CNNM1: variants seen among roughly 807,000 people sequenced by gnomAD.
CNNM1 encodes metal transporter CNNM1.
Under a neutral mutation model 78.8 loss-of-function variants are expected in CNNM1, and 44 were observed. That is an observed-to-expected ratio of 0.56 (90% CI 0.44 to 0.72). The LOEUF is 0.72. Ranked by LOEUF, CNNM1 falls within the 30% of genes least tolerant of loss-of-function variation. The pLI is 0.00. For missense variants in CNNM1, 1,101 were observed against 1,292.2 expected, an observed-to-expected ratio of 0.85 and a Z score of 2.27; for synonymous variants, 584 against 581.5, an observed-to-expected ratio of 1.00 and a Z score of -0.06.
intron 6 of CNNM1, among the ~76,000 whole-genome samples, chr10:99,365,726 A>C (rs1189920654): frequency 1.3e-5 from 2 of 152,172 alleles, no homozygotes; most frequent in Non-Finnish European, 2.9e-5. Context: ...CACAGTTCTG[A>C]ATTTTGCATT....
chr10:99,368,769 T>C, intron 6 of CNNM1: 1 of 912,462 alleles, frequency 1.1e-6, no homozygotes, highest in Non-Finnish European at 1.6e-6. Context: ...GCATGAGAAC[T>C]AATCACTCCA....
At chr10:99,353,174 GTCT>G (rs1438555904) in intron 1 of CNNM1, among the ~76,000 whole-genome samples, 1 of 152,036 alleles carries the variant, frequency 6.6e-6, no homozygotes, top group Non-Finnish European at 1.5e-5. Context: ...TTTTGGAGTT[GTCT>G]TCTTAAGAGT....
At position 99,330,438 on chromosome 10, in the gene CNNM1, G is replaced by C. The variant is rs1165843047; in HGVS notation, c.1051G>C (p.Gly351Arg). 1 of 1,591,632 alleles carries C rather than the reference G, an allele frequency of 6.3e-7. No individual in the cohort carries two copies. The highest frequency in any genetic ancestry group is 8.5e-7 in the Non-Finnish European group (1 of 1,170,048). The change falls in exon 1 of 11, where the codon GGG becomes CGG. Residue 351 changes from glycine (G) to arginine (R), a missense_variant. Gly to Arg is a moderately radical substitution (Grantham distance 125). Around this residue, in one of 3 missense-constraint regions of CNNM1, gnomAD observed 277 missense variants for 423.2 expected, o/e 0.65. Coordinates refer to ENST00000356713, the MANE Select transcript of CNNM1 (RefSeq NM_020348.3). ...ICPYSVCSRH[G>R]LAIASHSVCL... is the part of the protein sequence containing the mutation. ...CCCCTACTCAGTGTGTTCGCGGCAC[G>C]GGCTGGCCATCGCCTCGCACAGCGT...
At position 99,387,874 on chromosome 10, in the gene CNNM1, C is replaced by T. The variant is rs753164946; in HGVS notation, c.2395C>T (p.Pro799Ser). The change falls in exon 8 of 11, where the codon CCT becomes TCT. Residue 799 changes from proline (P) to serine (S), a missense_variant. By Grantham distance (74) the Pro-to-Ser change is moderately conservative (BLOSUM62 -1). Coordinates refer to ENST00000356713, the MANE Select transcript of CNNM1 (RefSeq NM_020348.3). ...CACTGCCTGCCACATGGACAGCTCA[C>T]CTCAGTCCCCTGACATGGAGGCCTT... The part of the protein sequence containing the change: ...ALTACHMDSS[P>S]QSPDMEAFTD... The T allele has an allele frequency of 1.2e-6, 2 of 1,613,574 alleles. No homozygotes were observed. Among genetic ancestry groups the T allele is most frequent in the Non-Finnish European group, 1.7e-6 (2 of 1,179,698 alleles).
rs769383625 is a variant in CNNM1 at position 99,388,284 on chromosome 10, C to T, written c.2657C>T (p.Ala886Val). ...STQQLTLSPA[A>V]VPTRAASDSE... The stretch of plus-strand genomic sequence containing the variant: ...CAGCAGCTCACGCTGTCTCCTGCAG[C>T]CGTTCCCACGAGAGCAGGTCAGGGA... Residue 886 changes from alanine (A) to valine (V), a missense_variant, in exon 9 of 11, where the codon GCC becomes GTC. Ala to Val is a moderately conservative substitution (Grantham distance 64, BLOSUM62 0). This residue lies in a region of CNNM1 where 348 missense variants were observed against 384.5 expected (regional missense o/e 0.90). Coordinates refer to ENST00000356713, the MANE Select transcript of CNNM1 (RefSeq NM_020348.3). 1 of 1,613,662 alleles carries T rather than the reference C, an allele frequency of 6.2e-7. No individual in the cohort carries two copies. Among genetic ancestry groups the T allele is most frequent in the Admixed American group, 1.7e-5 (1 of 60,004 alleles).
At chr10:99,376,741 T>G (rs1249270120) in intron 6 of CNNM1, among the ~76,000 whole-genome samples, 1 of 152,076 alleles carries the variant, frequency 6.6e-6, no homozygotes, top group Non-Finnish European at 1.5e-5. Flanking sequence ...CCCCCCTGTC[T>G]GGGGAAAATA....
chr10:99,359,956 C>A (rs943775792), intron 2 of CNNM1, among the ~76,000 whole-genome samples: 1 of 149,180 alleles, frequency 6.7e-6, no homozygotes, highest in Non-Finnish European at 1.5e-5. Context: ...AAGCGGGGGC[C>A]GGGGGGGAAG....
At chr10:99,340,876 T>TCCTTCCTTCCTTCCTGCCTGCCTG (rs71009744) in intron 1 of CNNM1, among the ~76,000 whole-genome samples, 16 of 138,156 alleles carry the variant, frequency 1.2e-4, no homozygotes, top group African/African-American at 2.1e-4. Flanking sequence ...CTTCCTTCCT[T>TCCTTCCTTCCTTCCTGCCTGCCTG]CCTGCCTGCC....
intron 6 of CNNM1, chr10:99,368,430 T>C (rs1589910451): frequency 2.9e-6 from 1 of 345,148 alleles, no homozygotes; most frequent in East Asian, 7.5e-5. Flanking sequence ...CTTGTCTTTC[T>C]GGAGTGTGAC....
chr10:99,352,129 C>A (rs776198429), intron 1 of CNNM1, among the ~76,000 whole-genome samples: 1 of 152,162 alleles, frequency 6.6e-6, no homozygotes, highest in African/African-American at 2.4e-5. Context: ...TAGCCATGCC[C>A]CACACTCTCC....
chr10:99,347,779 C>G (rs1034277869), intron 1 of CNNM1, among the ~76,000 whole-genome samples: 5 of 152,056 alleles, frequency 3.3e-5, no homozygotes, highest in African/African-American at 1.2e-4. Context: ...ATTCCTTAAG[C>G]ACATCAGTTA....
Position 99,330,303 on chromosome 10 carries a change from C to T in CNNM1, c.916C>T (p.Pro306Ser), listed in dbSNP as rs759656876. 6.3e-7 allele frequency: 1 copy of T among 1,587,638 alleles called. No homozygotes were observed. The highest frequency in any genetic ancestry group is 8.6e-7 in the Non-Finnish European group (1 of 1,167,616). ...ALAGWLYTSL[P>S]PGFGGTGEDY... is the part of the protein sequence containing the mutation. The stretch of plus-strand genomic sequence containing the variant: ...GGCTGGCTGGCTGTACACCTCGCTG[C>T]CGCCGGGCTTCGGGGGCACCGGGGA... The change falls in exon 1 of 11, where the codon CCG becomes TCG. Residue 306 changes from proline (P) to serine (S), a missense_variant. By Grantham distance (74) the Pro-to-Ser change is moderately conservative (BLOSUM62 -1). Around this residue, in one of 3 missense-constraint regions of CNNM1, gnomAD observed 476 missense variants for 484.5 expected, o/e 0.98. Transcript: ENST00000356713.
chr10:99,383,930 C>T (rs2032232077), intron 7 of CNNM1, among the ~76,000 whole-genome samples: 1 of 152,154 alleles, frequency 6.6e-6, no homozygotes. Flanking sequence ...AACTGATGTG[C>T]TATAAGTGCA....
intron 2 of CNNM1, among the ~76,000 whole-genome samples, chr10:99,359,415 C>G (rs1008099574): frequency 6.6e-6 from 1 of 152,106 alleles, no homozygotes; most frequent in Non-Finnish European, 1.5e-5. Context: ...GGCATGATTC[C>G]CTAAGAGCTA....
At chr10:99,350,252 C>T (rs893528397) in intron 1 of CNNM1, among the ~76,000 whole-genome samples, 1 of 152,166 alleles carries the variant, frequency 6.6e-6, no homozygotes, top group Non-Finnish European at 1.5e-5. Flanking sequence ...GGAAGAAGAA[C>T]GTAGCAAAAG....
At chr10:99,347,531 CAAAACA>C (rs1321902594) in intron 1 of CNNM1, among the ~76,000 whole-genome samples, 4 of 144,190 alleles carry the variant, frequency 2.8e-5, no homozygotes, top group East Asian at 2.1e-4. Flanking sequence ...AAAAACAAAA[CAAAACA>C]AAAACAAAAA....
intron 7 of CNNM1, 135 bp from the exon 8 acceptor site, chr10:99,387,685 C>A (rs746254016): frequency 8.6e-6 from 7 of 815,878 alleles, no homozygotes; most frequent in Non-Finnish European, 1.3e-5. Context: ...GTAAGGCCCC[C>A]ATTCGTGGAT....
intron 7 of CNNM1, among the ~76,000 whole-genome samples, chr10:99,379,584 A>G (rs1274293272): frequency 6.6e-6 from 1 of 151,686 alleles, no homozygotes; most frequent in East Asian, 1.9e-4. Flanking sequence ...AGGTGGTATC[A>G]CCTGGTATCT....
intron 6 of CNNM1, among the ~76,000 whole-genome samples, chr10:99,371,580 A>C (rs1477832457): frequency 6.6e-6 from 1 of 152,182 alleles, no homozygotes; most frequent in African/African-American, 2.4e-5. Context: ...TTGAATATAC[A>C]GGGAATCTCT....
Sources: gnomAD v4.1 joint callset for allele counts (sites outside exome capture counted in the v4.1 genomes callset) on GRCh38, gnomAD v4.1.1 for gene constraint, gnomAD v4.1.1 regional missense constraint, MANE v1.5 for transcripts, NCBI Gene and HGNC (gene_info 2026-07-23, HGNC 2026-07-21) for gene names.